HECTD2: variants seen among roughly 807,000 people sequenced by gnomAD.
HECTD2 encodes the protein HECT domain E3 ubiquitin protein ligase 2, also known as probable E3 ubiquitin-protein ligase HECTD2.
HECTD2 carries 35 observed loss-of-function variants against 103.2 expected under a neutral mutation model. That is an observed-to-expected ratio of 0.34 (90% CI 0.26 to 0.45). The LOEUF is 0.45. Among genes scored for constraint, HECTD2 ranks in the 20% least tolerant of loss-of-function variants. The pLI, the probability that HECTD2 is intolerant of heterozygous loss-of-function variation, is 1.00. For missense variants in HECTD2, 596 were observed against 937.4 expected (o/e 0.64, Z 4.76); for synonymous variants, 281 against 329.9 (o/e 0.85, Z 1.61).
At chr10:91,484,984 C>A (rs558539472) in intron 9 of HECTD2, among the ~76,000 whole-genome samples, 196 bp from the exon 10 acceptor site, 7 of 151,862 alleles carry the variant, frequency 4.6e-5, no homozygotes, top group Non-Finnish European at 1.0e-4. Context: ...CACAAGTTTT[C>A]TTTTTTAAGC....
At chr10:91,485,089 T>A (rs893242799) in intron 9 of HECTD2, 91 bp from the exon 10 acceptor site, 3 of 832,854 alleles carry the variant, frequency 3.6e-6, no homozygotes, top group Non-Finnish European at 5.4e-6. Flanking sequence ...AGGTCAAGGC[T>A]GTCTTGTAGA....
chr10:91,498,902 T>G lies in HECTD2; in HGVS notation c.1786T>G (p.Ser596Ala). 1 of 1,604,908 alleles carries G rather than the reference T, an allele frequency of 6.2e-7. No individual in the cohort carries two copies. Among genetic ancestry groups the G allele is most frequent in the Non-Finnish European group, 8.5e-7 (1 of 1,173,158 alleles). ...TCAAGAAGAATTTGGAATAATCAAG[T>G]CCTATAATTTAAAGCCCGGTGGTGA... is the stretch of plus-strand genomic sequence containing the variant. ...VFQEEFGIIK[S>A]YNLKPGGDKI... Residue 596 changes from serine (S) to alanine (A), a missense_variant, in exon 17 of 21, where the codon TCC becomes GCC. Ser to Ala is a moderately conservative substitution (Grantham distance 99). This residue lies in a region of HECTD2 where 303 missense variants were observed against 522.5 expected (regional missense o/e 0.58). Transcript: ENST00000298068.
intron 20 of HECTD2, among the ~76,000 whole-genome samples, chr10:91,503,225 G>T (rs557731878): frequency 6.6e-6 from 1 of 152,116 alleles, no homozygotes; most frequent in African/African-American, 2.4e-5. Context: ...ATCTCACAGC[G>T]GTCAGAATGG....
intron 6 of HECTD2, 41 bp downstream of exon 6, chr10:91,478,306 G>A: frequency 8.3e-7 from 1 of 1,209,956 alleles, no homozygotes; most frequent in Non-Finnish European, 1.2e-6. Flanking sequence ...CAGTATAGAT[G>A]TCTAACTTAC....
chr10:91,454,965 A>G (rs933584596), intron 2 of HECTD2, among the ~76,000 whole-genome samples: 3 of 152,094 alleles, frequency 2.0e-5, no homozygotes, highest in Non-Finnish European at 2.9e-5. Flanking sequence ...AATCCAGTCT[A>G]TCATTGATGG....
chr10:91,497,272 AG>A (rs992480968), intron 15 of HECTD2, among the ~76,000 whole-genome samples: 2 of 144,042 alleles, frequency 1.4e-5, no homozygotes, highest in African/African-American at 5.2e-5. Flanking sequence ...CACTGAGCCC[AG>A]CCAGAAAATG....
At chr10:91,422,198 C>A (rs1233745655) in intron 1 of HECTD2, among the ~76,000 whole-genome samples, 3 of 152,042 alleles carry the variant, frequency 2.0e-5, no homozygotes, top group Non-Finnish European at 4.4e-5. Context: ...ATAATATGGC[C>A]ACTACCTACC....
intron 11 of HECTD2, among the ~76,000 whole-genome samples, chr10:91,490,783 C>T (rs956102141): frequency 7.0e-6 from 1 of 143,548 alleles, no homozygotes; most frequent in Non-Finnish European, 1.5e-5. Context: ...CCCAGCTACT[C>T]GGGAGGCTGA....
intron 15 of HECTD2, 143 bp downstream of exon 15, chr10:91,496,515 C>T (rs1361065004): frequency 1.7e-6 from 1 of 602,380 alleles, no homozygotes; most frequent in Admixed American, 3.7e-5. Flanking sequence ...TTTCATCTAG[C>T]TTTTTCTTTC....
chr10:91,501,483 G>T, intron 20 of HECTD2, 149 bp downstream of exon 20: 1 of 510,262 alleles, frequency 2.0e-6, no homozygotes, highest in East Asian at 3.4e-5. Flanking sequence ...AAATGTAAGA[G>T]ATTTTGATTA....
chr10:91,485,498 A>G (rs1846234987), intron 10 of HECTD2, 195 bp downstream of exon 10: 2 of 456,096 alleles, frequency 4.4e-6, no homozygotes, highest in African/African-American at 2.1e-5. Flanking sequence ...GTACATGTTA[A>G]TTTGGTTTTG....
Position 91,462,166 on chromosome 10 carries a change from TG to T in HECTD2, c.583del (p.Asp195IlefsTer15). 1 of 1,587,394 alleles carries T rather than the reference TG, an allele frequency of 6.3e-7. No individual in the cohort carries two copies. ...INAKFVNAVY[D>X]TLLNTPQDVQ... ...ATGCTAAATTTGTGAATGCTGTGTA[TG>T]ATACCTTACTTAATACTGTAAGTAT... On this transcript the variant is annotated frameshift_variant, in exon 5 of 21. Transcript: ENST00000298068. LOFTEE classifies it high-confidence loss of function.
At chr10:91,435,958 T>C (rs773842872) in intron 2 of HECTD2, among the ~76,000 whole-genome samples, 11 of 152,114 alleles carry the variant, frequency 7.2e-5, no homozygotes, top group Non-Finnish European at 1.3e-4. Context: ...AACTCTTCTA[T>C]TGAGTATCTT....
intron 2 of HECTD2, among the ~76,000 whole-genome samples, chr10:91,433,028 A>G (rs541847204): frequency 6.6e-6 from 1 of 152,114 alleles, no homozygotes; most frequent in East Asian, 1.9e-4. Flanking sequence ...ATTTGTGGAA[A>G]GCAAAGGACT....
At chr10:91,490,223 A>G (rs746002643) in intron 11 of HECTD2, among the ~76,000 whole-genome samples, 14 of 136,816 alleles carry the variant, frequency 1.0e-4, no homozygotes, top group Non-Finnish European at 1.0e-4. Flanking sequence ...TTTATTTCCT[A>G]CTTTCTTCAG....
intron 6 of HECTD2, among the ~76,000 whole-genome samples, chr10:91,479,310 G>A (rs1221466612): frequency 6.6e-6 from 1 of 152,034 alleles, no homozygotes; most frequent in African/African-American, 2.4e-5. Context: ...CTATTTTAAT[G>A]TATGTCTTTT....
At chr10:91,413,408 T>A (rs796321323) in intron 1 of HECTD2, among the ~76,000 whole-genome samples, 9 of 152,298 alleles carry the variant, frequency 5.9e-5, no homozygotes, top group African/African-American at 1.9e-4. Context: ...CTTGGTAGCA[T>A]ATTAAAGTCC....
chr10:91,505,008 T>C (rs575689214), intron 20 of HECTD2, among the ~76,000 whole-genome samples: 1,586 of 152,234 alleles, frequency 0.01, 30 homozygotes, highest in African/African-American at 0.036. Flanking sequence ...CAGAATTTCA[T>C]ATCCAGCCAA....
chr10:91,475,335 G>A (rs1845863778), intron 5 of HECTD2, among the ~76,000 whole-genome samples: 1 of 152,208 alleles, frequency 6.6e-6, no homozygotes, highest in South Asian at 2.1e-4. Context: ...ATTGGATGTG[G>A]CACTCAAAGG....
Sources: gnomAD v4.1 joint callset for allele counts (sites outside exome capture counted in the v4.1 genomes callset) on GRCh38, gnomAD v4.1.1 for gene constraint, gnomAD v4.1.1 regional missense constraint, MANE v1.5 for transcripts, NCBI Gene and HGNC (gene_info 2026-07-23, HGNC 2026-07-21) for gene names.